Variants in BCL6 observed in about 807,000 individuals in gnomAD.
BCL6 encodes B-cell lymphoma 6 protein.
Under a neutral mutation model 59.5 loss-of-function variants are expected in BCL6, and 7 were observed. The observed-to-expected ratio is 0.12, with a 90% CI of 0.07 to 0.22. The LOEUF is 0.22. Ranked by LOEUF, BCL6 falls within the 10% of genes least tolerant of loss-of-function variation. The pLI is 1.00. For missense variants in BCL6, 685 were observed against 939.4 expected (o/e 0.73, Z 3.54); for synonymous variants, 339 against 349.7 (o/e 0.97, Z 0.34).
At position 187,740,185 on chromosome 3, in the gene BCL6, C is replaced by A. The variant is rs567275128; in HGVS notation, c.-50+5225G>T. ...GGAGAAAGAAAACTTTACGGAGGAA[C>A]TGTTGTGGCACAAATTCTGGCCTAT... On this transcript the variant is annotated intron_variant, in intron 1 of 9. Coordinates refer to ENST00000406870, the MANE Select transcript of BCL6 (RefSeq NM_001706.5). Among the ~76,000 whole-genome samples, 5 of 152,310 alleles carry A rather than the reference C, an allele frequency of 3.3e-5. No individual in the cohort carries two copies. The South Asian group carries it at 1.0e-3, about 32-fold the overall frequency.
At chr3:187,743,942 C>G (rs1711734331) in intron 1 of BCL6, among the ~76,000 whole-genome samples, 2 of 152,140 alleles carry the variant, frequency 1.3e-5, no homozygotes, top group Admixed American at 6.5e-5. Context: ...TCCTCCCGCG[C>G]CGGGTCCCCT....
intron 1 of BCL6, among the ~76,000 whole-genome samples, chr3:187,740,821 T>G (rs929248038): frequency 6.6e-6 from 1 of 152,230 alleles, no homozygotes; most frequent in South Asian, 2.1e-4. Context: ...GTGGTTTTTC[T>G]TAGTGCAAAT....
rs767073067 is a variant in BCL6, at chr3:187,731,888, G to T, written c.204C>A (p.Asn68Lys). ...YSIFTDQLKC[N>K]LSVINLDPEI... ...CAGGATCTAGATTGATCACACTAAG[G>T]TTGCATTTCAACTGGTCTGTAAAGA... Residue 68 changes from asparagine (N) to lysine (K), a missense_variant, in exon 4 of 10, where the codon AAC (asparagine) becomes AAA (lysine). Coordinates refer to ENST00000406870, the MANE Select transcript of BCL6 (RefSeq NM_001706.5). 1 of 1,614,110 alleles carries T rather than the reference G, an allele frequency of 6.2e-7. No homozygotes were observed. Among genetic ancestry groups the T allele is most frequent in the East Asian group, 2.2e-5 (1 of 44,880 alleles).
chr3:187,725,453 C>A lies in BCL6; in HGVS notation c.1839+46G>T, dbSNP rs112603207. ...CTGCCCACTCCTCCGCTCGCCTGCC[C>A]GCTCCGCTCGCCTGCCCGCTCCGCT... On this transcript the variant is annotated intron_variant, in intron 8 of 9. Transcript: ENST00000406870. The surrounding 1 kb of genome is among the most constrained non-coding windows in gnomAD (Gnocchi z 4.7). 3.0e-4 allele frequency: 467 copies of A among 1,550,258 alleles called. 3 individuals carry two copies. The African/African-American group carries it at 7.5e-3, about 25-fold the overall frequency.
chr3:187,726,016 C>A (rs749291536), intron 7 of BCL6, among the ~76,000 whole-genome samples: 2 of 152,336 alleles, frequency 1.3e-5, no homozygotes, highest in Non-Finnish European at 1.5e-5. Flanking sequence ...CTCTCTGGAA[C>A]CTGAGGGGCT....
chr3:187,742,825 T>A, intron 1 of BCL6, among the ~76,000 whole-genome samples: 1 of 152,156 alleles, frequency 6.6e-6, no homozygotes, highest in East Asian at 1.9e-4. Context: ...AAGTATATAT[T>A]TTAAAGCAAG....
chr3:187,743,831 T>A (rs1711726205), intron 1 of BCL6, among the ~76,000 whole-genome samples: 1 of 150,252 alleles, frequency 6.7e-6, no homozygotes, highest in African/African-American at 2.4e-5. Context: ...TCCCCCATTC[T>A]TACTCCCTCG....
intron 1 of BCL6, among the ~76,000 whole-genome samples, 191 bp downstream of exon 1, chr3:187,745,219 T>G (rs549330591): frequency 3.3e-5 from 5 of 152,050 alleles, no homozygotes; most frequent in Admixed American, 1.3e-4. Flanking sequence ...CTAGAATAAA[T>G]AAATATATAC....
At chr3:187,740,826 G>GC (rs914472380) in intron 1 of BCL6, among the ~76,000 whole-genome samples, 13 of 152,242 alleles carry the variant, frequency 8.5e-5, no homozygotes, top group African/African-American at 3.1e-4. Flanking sequence ...TTTTCTTAGT[G>GC]CAAATAGATG....
At chr3:187,741,806 A>G (rs566038784) in intron 1 of BCL6, among the ~76,000 whole-genome samples, 4 of 152,172 alleles carry the variant, frequency 2.6e-5, no homozygotes, top group Admixed American at 2.6e-4. Context: ...CGCCGGCAAA[A>G]CTACAGCATT....
chr3:187,727,538 G>C (rs1214614604), intron 6 of BCL6, among the ~76,000 whole-genome samples: 2 of 152,344 alleles, frequency 1.3e-5, no homozygotes, highest in East Asian at 3.9e-4. Flanking sequence ...GAGACTGGGA[G>C]ACCGAAGCTG....
intron 5 of BCL6, 132 bp from the exon 6 acceptor site, chr3:187,728,676 C>A: frequency 1.1e-6 from 1 of 899,534 alleles, no homozygotes; most frequent in Admixed American, 3.3e-5. Context: ...CCAGAGTTGT[C>A]CTCAAGTTTA....
chr3:187,729,636 T>G lies in BCL6; in HGVS notation c.769A>C (p.Asn257His). Reference protein sequence around the residue: ...LEVSPNVCHSNIYSPKETIPE... With the variant: ...LEVSPNVCHSHIYSPKETIPE... ...ATTGTTTCCTTGGGTGAATAGATAT[T>G]GCTGTGGCACACATTGGGGGACACC... Residue 257 changes from asparagine to histidine, a missense_variant, in exon 5 of 10, where the codon AAT becomes CAT. This residue lies in a region of BCL6 where 268 missense variants were observed against 263.8 expected (regional missense o/e 1.02). Coordinates refer to ENST00000406870, the MANE Select transcript of BCL6 (RefSeq NM_001706.5). This position sits in a 1 kb window ranked among gnomAD's most constrained non-coding sequence, Gnocchi z 5.6. The G allele has an allele frequency of 6.2e-7, 1 of 1,614,140 alleles. No homozygotes were observed. Among genetic ancestry groups the G allele is most frequent in the Non-Finnish European group, 8.5e-7 (1 of 1,180,024 alleles).
rs1160491669 is a variant in BCL6, at chr3:187,721,434, G to A, written c.*1024C>T. ...TTTGTACAGCTATATTTTACAACGC[G>A]GTAATGCAGTTTAGACACAGCCAAA... On this transcript the variant is annotated 3_prime_UTR_variant, in exon 10 of 10. Coordinates refer to ENST00000406870, the MANE Select transcript of BCL6 (RefSeq NM_001706.5). This position sits in a 1 kb window ranked among gnomAD's most constrained non-coding sequence, Gnocchi z 4.2. The A allele has an allele frequency of 3.0e-5, 7 of 231,186 alleles. No individual in the cohort carries two copies. Among genetic ancestry groups the A allele is most frequent in the South Asian group, 3.6e-4 (2 of 5,520 alleles). The allele number at this position is 231,186 out of a possible 1,614,324, so 14.3% of individuals were successfully genotyped here.
rs146054988 is a variant in BCL6 at position 187,728,121 on chromosome 3, G to A, written c.1540+239C>T. On this transcript the variant is annotated intron_variant, in intron 6 of 9. Coordinates refer to ENST00000406870, the MANE Select transcript of BCL6 (RefSeq NM_001706.5). ...TTGCTGGCATGAAGCTAAAATGACT[G>A]TATGGTAAGTCTTGATTACCCCAGA... 6.4e-3 allele frequency among the ~76,000 whole-genome samples: 972 copies of A among 152,278 alleles called. 2 individuals are homozygous for A. The highest frequency in any genetic ancestry group is 9.4e-3 in the Non-Finnish European group (638 of 68,022).
At chr3:187,730,940 T>C (rs1293214795) in intron 4 of BCL6, among the ~76,000 whole-genome samples, 1 of 152,232 alleles carries the variant, frequency 6.6e-6, no homozygotes, top group African/African-American at 2.4e-5. Flanking sequence ...TCCTGGCTCC[T>C]GGAGGTTTTC....
intron 1 of BCL6, chr3:187,736,558 A>C (rs1021986548): frequency 6.6e-6 from 1 of 152,240 alleles, no homozygotes; most frequent in Non-Finnish European, 1.5e-5. Flanking sequence ...CCATTTCACC[A>C]TGACAAGTGG....
intron 9 of BCL6, among the ~76,000 whole-genome samples, chr3:187,723,372 T>C (rs960301784): frequency 1.3e-5 from 2 of 152,152 alleles, no homozygotes; most frequent in Non-Finnish European, 1.5e-5. Flanking sequence ...CTAGATGAGA[T>C]CTTGAATGAG....
chr3:187,740,878 T>G (rs1308302456), intron 1 of BCL6, among the ~76,000 whole-genome samples: 1 of 152,240 alleles, frequency 6.6e-6, no homozygotes, highest in Non-Finnish European at 1.5e-5. Context: ...CCTTTCTGAT[T>G]TTCATCCCTC....
Sources: allele counts gnomAD v4.1 joint callset (sites outside exome capture counted in the v4.1 genomes callset), GRCh38; gene constraint gnomAD v4.1.1; regional missense constraint gnomAD v4.1.1; non-coding constraint Gnocchi (gnomAD v3.1); transcripts MANE v1.5; gene names NCBI Gene and HGNC (gene_info 2026-07-23, HGNC 2026-07-21).